CNTN3: variants seen among roughly 807,000 people sequenced by gnomAD.
CNTN3 encodes contactin 3.
In CNTN3, 60 loss-of-function variants were observed where a neutral mutation model predicts 119.1. The observed-to-expected ratio is 0.50, with a 90% CI of 0.41 to 0.62. The LOEUF (loss-of-function observed/expected upper bound fraction) is 0.62. CNTN3 is among the 20% of genes least tolerant of loss of function. The pLI is 0.00. For synonymous variants in CNTN3, 450 were observed against 438.7 expected (o/e 1.03, Z -0.32); for missense variants, 1,101 against 1,242.4 (o/e 0.89, Z 1.71).
intron 5 of CNTN3, among the ~76,000 whole-genome samples, chr3:74,402,204 AC>A (rs377186155): frequency 6.6e-6 from 1 of 152,012 alleles, no homozygotes; most frequent in African/African-American, 2.4e-5. Flanking sequence ...ACGTCCCAAA[AC>A]CCCCAAGGTT....
At chr3:74,440,674 T>G (rs1479890264) in intron 4 of CNTN3, among the ~76,000 whole-genome samples, 3 of 152,096 alleles carry the variant, frequency 2.0e-5, no homozygotes, top group Non-Finnish European at 4.4e-5. Flanking sequence ...TTTTTTTACT[T>G]TAAGTACTGG....
At chr3:74,466,483 A>G (rs772918445) in intron 4 of CNTN3, among the ~76,000 whole-genome samples, 7 of 152,222 alleles carry the variant, frequency 4.6e-5, no homozygotes, top group Non-Finnish European at 1.0e-4. Flanking sequence ...ATCATTATGC[A>G]TTAAGAGGCA....
At chr3:74,401,369 T>C (rs1419646831) in intron 5 of CNTN3, among the ~76,000 whole-genome samples, 1 of 152,128 alleles carries the variant, frequency 6.6e-6, no homozygotes, top group East Asian at 1.9e-4. Context: ...AAAAAGAGAA[T>C]TGAAAAACAT....
chr3:74,353,709 T>C (rs112066179), intron 11 of CNTN3, among the ~76,000 whole-genome samples: 2 of 152,062 alleles, frequency 1.3e-5, no homozygotes, highest in Non-Finnish European at 2.9e-5. Context: ...TGAGCCGAGA[T>C]TGCGCCACTG....
In CNTN3 at chr3:74,267,333, G is replaced by T; in HGVS notation, c.2750C>A (p.Thr917Asn). 6.2e-7 allele frequency: 1 copy of T among 1,613,364 alleles called. No individual in the cohort carries two copies. The highest frequency in any genetic ancestry group is 1.1e-5 in the South Asian group (1 of 91,040). Residue 917 changes from threonine (T) to asparagine (N), a missense_variant, in exon 21 of 23, where the codon ACT becomes AAT. Thr to Asn is a moderately conservative substitution (Grantham distance 65). Coordinates refer to ENST00000263665, the MANE Select transcript of CNTN3 (RefSeq NM_020872.3). ...TTGCTCCCAATTAAGTAACACTTTA[G>T]TGTCTGTGGCATTCCAAACAACATT... ...PGNVVWNATD[T>N]KVLLNWEQVK...
chr3:74,356,093 G>A (rs911004259), intron 11 of CNTN3, among the ~76,000 whole-genome samples: 1 of 151,998 alleles, frequency 6.6e-6, no homozygotes, highest in Non-Finnish European at 1.5e-5. Context: ...TATAAGGTCA[G>A]TGCCCTTACA....
intron 11 of CNTN3, among the ~76,000 whole-genome samples, chr3:74,338,350 T>G (rs1703445001): frequency 6.7e-6 from 1 of 149,756 alleles, no homozygotes; most frequent in African/African-American, 2.5e-5. Flanking sequence ...TATAAAAATG[T>G]ATAAGATAGA....
intron 4 of CNTN3, among the ~76,000 whole-genome samples, chr3:74,465,391 G>T (rs986126542): frequency 3.9e-5 from 6 of 152,034 alleles, no homozygotes; most frequent in African/African-American, 1.2e-4. Flanking sequence ...ATTGGTACAT[G>T]ATTTAAAACA....
chr3:74,323,913 T>A (rs1703062203), intron 13 of CNTN3, among the ~76,000 whole-genome samples: 1 of 152,090 alleles, frequency 6.6e-6, no homozygotes. Flanking sequence ...CAGCTGTAGG[T>A]AAATATCTGT....
At chr3:74,574,005 A>G (rs1309286912) in intron 1 of CNTN3, among the ~76,000 whole-genome samples, 1 of 152,228 alleles carries the variant, frequency 6.6e-6, no homozygotes, top group Non-Finnish European at 1.5e-5. Flanking sequence ...AAATATTGAG[A>G]GCAGCATTGT....
intron 5 of CNTN3, among the ~76,000 whole-genome samples, chr3:74,419,639 C>G (rs1701586424): frequency 6.6e-6 from 1 of 152,138 alleles, no homozygotes; most frequent in Non-Finnish European, 1.5e-5. Flanking sequence ...ATGTGCATAG[C>G]AGAGATATGG....
At chr3:74,345,446 T>C (rs1703666397) in intron 11 of CNTN3, among the ~76,000 whole-genome samples, 3 of 152,196 alleles carry the variant, frequency 2.0e-5, no homozygotes, top group African/African-American at 7.2e-5. Context: ...AAATAACATC[T>C]ACTCCAAGGC....
At chr3:74,595,996 A>C (rs2106695739) in intron 1 of CNTN3, among the ~76,000 whole-genome samples, 1 of 152,276 alleles carries the variant, frequency 6.6e-6, no homozygotes, top group East Asian at 1.9e-4. Flanking sequence ...GCAAAGTCTC[A>C]GGATACAAAA....
At position 74,378,632 on chromosome 3, in the gene CNTN3, A is replaced by T. The variant is rs1704539525; in HGVS notation, c.455-7233T>A. ...TGTTAACTAAATATATTGGAACACA[A>T]TCACACTCATTCAATTACTATTGTC... On this transcript the variant is annotated intron_variant, in intron 5 of 22. Coordinates refer to ENST00000263665, the MANE Select transcript of CNTN3 (RefSeq NM_020872.3). Among the ~76,000 whole-genome samples the T allele has an allele frequency of 2.0e-5, 3 of 152,214 alleles. No homozygotes were observed. In the South Asian group the frequency reaches 6.2e-4, roughly 32 times the overall value.
chr3:74,433,236 G>A (rs1031451780), intron 4 of CNTN3, among the ~76,000 whole-genome samples: 3 of 152,082 alleles, frequency 2.0e-5, no homozygotes, highest in Non-Finnish European at 2.9e-5. Context: ...ATTTCCCTGG[G>A]AGCAACAACT....
chr3:74,395,172 C>A (rs141945752), intron 5 of CNTN3, among the ~76,000 whole-genome samples: 76 of 152,216 alleles, frequency 5.0e-4, no homozygotes, highest in African/African-American at 1.8e-3. Context: ...AGGACAGGAA[C>A]ATCATCTTCC....
rs537228235 is a variant in CNTN3, at chr3:74,272,698, T to C, written c.2705-5320A>G. 4.8e-4 allele frequency among the ~76,000 whole-genome samples: 73 copies of C among 152,264 alleles called. 1 individual carries two copies. The South Asian group carries it at 0.013, about 27-fold the overall frequency. On this transcript the variant is annotated intron_variant, in intron 20 of 22. Transcript: ENST00000263665. Reference sequence around the variant, plus strand: ...CACCTGCAGAAAAATTCCCTTGTAATCTTCCCATAGCTTGAAGAGAAAGTT... The same window carrying C: ...CACCTGCAGAAAAATTCCCTTGTAACCTTCCCATAGCTTGAAGAGAAAGTT...
chr3:74,489,210 G>T (rs1043297526), intron 3 of CNTN3, among the ~76,000 whole-genome samples: 1 of 152,108 alleles, frequency 6.6e-6, no homozygotes, highest in African/African-American at 2.4e-5. Context: ...CATATCTACT[G>T]AGTCAGAATC....
chr3:74,585,635 C>A (rs190119444), intron 1 of CNTN3, among the ~76,000 whole-genome samples: 9 of 152,150 alleles, frequency 5.9e-5, no homozygotes, highest in African/African-American at 1.4e-4. Flanking sequence ...TACACGATGA[C>A]TTGATCACTA....
Sources: allele counts gnomAD v4.1 joint callset (sites outside exome capture counted in the v4.1 genomes callset), GRCh38; gene constraint gnomAD v4.1.1; transcripts MANE v1.5; gene names NCBI Gene and HGNC (gene_info 2026-07-23, HGNC 2026-07-21).